Variants in ASAP1 observed in about 807,000 individuals in gnomAD.
The protein encoded by ASAP1 is ArfGAP with SH3 domain, ankyrin repeat and PH domain 1.
Under a neutral mutation model 145.2 loss-of-function variants are expected in ASAP1, and 43 were observed. The ratio of observed to expected loss-of-function variants is 0.30; its 90% CI spans 0.23 to 0.38. The LOEUF (loss-of-function observed/expected upper bound fraction) is 0.38. ASAP1 is among the 10% of genes least tolerant of loss of function. The probability of loss-of-function intolerance (pLI) is 1.00; values close to 1 mark genes in which losing one functional copy is unlikely to be tolerated. For synonymous variants in ASAP1, 546 were observed against 515.5 expected (o/e 1.06, Z -0.80); for missense variants, 1,018 against 1,355.3 (o/e 0.75, Z 3.91).
At chr8:130,112,358 A>C (rs1409095193) in intron 23 of ASAP1, 36 bp from the exon 24 acceptor site, 1 of 1,589,560 alleles carries the variant, frequency 6.3e-7, no homozygotes, top group East Asian at 2.2e-5. Context: ...ATAATAATCA[A>C]GGACCACCCT....
intron 3 of ASAP1, among the ~76,000 whole-genome samples, chr8:130,337,040 T>C (rs1825080845): frequency 6.6e-6 from 1 of 152,176 alleles, no homozygotes. Context: ...ACTTTACATA[T>C]CTTTACAATA....
At chr8:130,140,012 T>A (rs1209616662) in intron 13 of ASAP1, among the ~76,000 whole-genome samples, 1 of 149,134 alleles carries the variant, frequency 6.7e-6, no homozygotes, top group African/African-American at 2.5e-5. Context: ...TACCTCTCAT[T>A]TCTTTCTTTT....
chr8:130,235,657 G>A (rs960168885), intron 4 of ASAP1, among the ~76,000 whole-genome samples: 1 of 152,140 alleles, frequency 6.6e-6, no homozygotes, highest in Non-Finnish European at 1.5e-5. Flanking sequence ...GAAGTTAGTG[G>A]ATATAAAGAA....
intron 4 of ASAP1, among the ~76,000 whole-genome samples, chr8:130,230,114 C>G (rs547030730): frequency 2.6e-5 from 4 of 152,032 alleles, no homozygotes; most frequent in African/African-American, 4.8e-5. Flanking sequence ...ACACCAACCC[C>G]AAACTAGCGG....
intron 23 of ASAP1, among the ~76,000 whole-genome samples, chr8:130,112,720 T>C (rs912406161): frequency 2.6e-5 from 4 of 152,238 alleles, no homozygotes; most frequent in African/African-American, 9.7e-5. Flanking sequence ...CCCTTTAACG[T>C]TGAAGTTCTT....
chr8:130,239,242 A>T (rs1444084012), intron 3 of ASAP1, among the ~76,000 whole-genome samples: 3 of 152,146 alleles, frequency 2.0e-5, no homozygotes. Context: ...AAAAGATTTA[A>T]GATTTGCATT....
intron 5 of ASAP1, among the ~76,000 whole-genome samples, chr8:130,192,585 T>C (rs1459727863): frequency 1.3e-5 from 2 of 152,154 alleles, no homozygotes; most frequent in Non-Finnish European, 2.9e-5. Context: ...GGATGGTGGG[T>C]AAGTAAGGTT....
At chr8:130,242,159 T>A (rs564219410) in intron 3 of ASAP1, among the ~76,000 whole-genome samples, 1 of 149,004 alleles carries the variant, frequency 6.7e-6, no homozygotes. Context: ...AATGACCAGC[T>A]ATCATTACTC....
chr8:130,349,935 G>C (rs957599878), intron 3 of ASAP1, among the ~76,000 whole-genome samples: 5 of 152,284 alleles, frequency 3.3e-5, no homozygotes, highest in South Asian at 2.1e-4. Flanking sequence ...GAATGGCCAA[G>C]ACCCAGATCT....
intron 2 of ASAP1, among the ~76,000 whole-genome samples, chr8:130,378,326 T>C (rs1827599658): frequency 6.6e-6 from 1 of 152,128 alleles, no homozygotes; most frequent in Non-Finnish European, 1.5e-5. Context: ...AAATAGATAC[T>C]GGGACACAGA....
intron 25 of ASAP1, among the ~76,000 whole-genome samples, chr8:130,080,351 A>C (rs2097476275): frequency 6.6e-6 from 1 of 152,186 alleles, no homozygotes; most frequent in Admixed American, 6.5e-5. Context: ...CTAGTATCCA[A>C]ACTCAGAAGA....
At chr8:130,181,478 A>G (rs1814353589) in intron 7 of ASAP1, among the ~76,000 whole-genome samples, 1 of 152,244 alleles carries the variant, frequency 6.6e-6, no homozygotes, top group Non-Finnish European at 1.5e-5. Context: ...TCAAATAATT[A>G]AAGTATATAA....
At chr8:130,410,197 C>T (rs946460171) in intron 1 of ASAP1, among the ~76,000 whole-genome samples, 1 of 152,116 alleles carries the variant, frequency 6.6e-6, no homozygotes, top group Non-Finnish European at 1.5e-5. Context: ...GCAAAATAGA[C>T]GTGGTCTCTG....
chr8:130,440,135 C>T lies in ASAP1; in HGVS notation c.-28+3325G>A, dbSNP rs1830441797. Among the ~76,000 whole-genome samples the T allele has an allele frequency of 1.3e-5, 2 of 152,112 alleles. 1 individual carries two copies. The highest frequency in any genetic ancestry group is 1.3e-4 in the Admixed American group (2 of 15,274). On this transcript the variant is annotated intron_variant, in intron 1 of 29. Coordinates refer to ENST00000518721, the MANE Select transcript of ASAP1 (RefSeq NM_018482.4). Reference sequence around the variant, plus strand: ...GTAGGCTCCTCCCACTTCTCTCTACCTCCATTGCTGCTGTCCAGTTCTAAG... The same window carrying T: ...GTAGGCTCCTCCCACTTCTCTCTACTTCCATTGCTGCTGTCCAGTTCTAAG...
chr8:130,175,323 C>A (rs920456100), intron 9 of ASAP1, among the ~76,000 whole-genome samples: 2 of 152,106 alleles, frequency 1.3e-5, no homozygotes, highest in Non-Finnish European at 2.9e-5. Flanking sequence ...CAGGCTCAAG[C>A]GATCCTCCCA....
intron 15 of ASAP1, among the ~76,000 whole-genome samples, chr8:130,132,768 T>A (rs1415612565): frequency 6.6e-6 from 1 of 152,224 alleles, no homozygotes; most frequent in Non-Finnish European, 1.5e-5. Context: ...ATTCAAATAA[T>A]GAATAGCTAA....
At chr8:130,281,532 C>T (rs1264624267) in intron 3 of ASAP1, among the ~76,000 whole-genome samples, 2 of 152,114 alleles carry the variant, frequency 1.3e-5, no homozygotes, top group African/African-American at 2.4e-5. Flanking sequence ...AAATCTACAA[C>T]TAAGTACTGG....
intron 3 of ASAP1, among the ~76,000 whole-genome samples, chr8:130,309,590 A>G (rs1010606454): frequency 2.6e-5 from 4 of 152,200 alleles, no homozygotes; most frequent in Non-Finnish European, 5.9e-5. Flanking sequence ...CTGCACCACC[A>G]CATGCGGCTC....
chr8:130,204,221 G>T (rs1051434574), intron 5 of ASAP1, among the ~76,000 whole-genome samples: 1 of 152,158 alleles, frequency 6.6e-6, no homozygotes. Context: ...TAGGTTGCAC[G>T]CTACTTATGA....
Sources: gnomAD v4.1 joint callset for allele counts (sites outside exome capture counted in the v4.1 genomes callset) on GRCh38, gnomAD v4.1.1 for gene constraint, MANE v1.5 for transcripts, NCBI Gene and HGNC (gene_info 2026-07-23, HGNC 2026-07-21) for gene names.